PTPRN2: variants seen among roughly 807,000 people sequenced by gnomAD.
PTPRN2 encodes receptor-type tyrosine-protein phosphatase N2.
PTPRN2 carries 74 observed loss-of-function variants against 118.8 expected under a neutral mutation model. The ratio of observed to expected loss-of-function variants is 0.62; its 90% CI spans 0.52 to 0.76. The LOEUF (loss-of-function observed/expected upper bound fraction) is 0.76. Ranked by LOEUF, PTPRN2 falls within the 30% of genes least tolerant of loss-of-function variation. The pLI, the probability that PTPRN2 is intolerant of heterozygous loss-of-function variation, is 0.00. For missense variants in PTPRN2, 1,481 were observed against 1,394.4 expected, an observed-to-expected ratio of 1.06 and a Z score of -0.99; for synonymous variants, 641 against 608.0, an observed-to-expected ratio of 1.05 and a Z score of -0.80.
chr7:158,331,377 A>C (rs7794803), intron 2 of PTPRN2, among the ~76,000 whole-genome samples: 845 of 6,152 alleles, frequency 0.14, 39 homozygotes, highest in Non-Finnish European at 0.16. Flanking sequence ...CACCCGCAGA[A>C]GTCACTCACA....
intron 4 of PTPRN2, among the ~76,000 whole-genome samples, chr7:158,201,269 A>G (rs1256496157): frequency 3.3e-5 from 5 of 152,190 alleles, no homozygotes; most frequent in Non-Finnish European, 7.3e-5. Flanking sequence ...TTTAAAAACC[A>G]TAATAGTGAG....
chr7:158,103,410 C>A (rs1815406107), intron 10 of PTPRN2, among the ~76,000 whole-genome samples: 1 of 152,194 alleles, frequency 6.6e-6, no homozygotes, highest in African/African-American at 2.4e-5. Context: ...ACGCGAAGAG[C>A]CCTGCACACA....
intron 12 of PTPRN2, among the ~76,000 whole-genome samples, chr7:157,807,161 A>G (rs1305074684): frequency 6.6e-6 from 1 of 152,206 alleles, no homozygotes; most frequent in Non-Finnish European, 1.5e-5. Flanking sequence ...GGTTTGTACC[A>G]CCAGGGAACT....
At chr7:158,415,269 TCAAA>T (rs1403083855) in intron 2 of PTPRN2, among the ~76,000 whole-genome samples, 3 of 152,088 alleles carry the variant, frequency 2.0e-5, no homozygotes, top group African/African-American at 7.2e-5. Flanking sequence ...ATGAATGACG[TCAAA>T]CAAACAAAAA....
chr7:157,746,787 A>C (rs1800971122), intron 12 of PTPRN2, among the ~76,000 whole-genome samples: 1 of 152,130 alleles, frequency 6.6e-6, no homozygotes, highest in Admixed American at 6.6e-5. Flanking sequence ...TCTGCTGAGC[A>C]GTTGAGGGGG....
chr7:158,557,471 C>CCATGG (rs1249317413), intron 1 of PTPRN2, among the ~76,000 whole-genome samples: 1 of 152,242 alleles, frequency 6.6e-6, no homozygotes, highest in East Asian at 1.9e-4. Flanking sequence ...CAACCTGGTG[C>CCATGG]CATGGTCCAC....
chr7:158,432,242 G>C (rs1816264236), intron 2 of PTPRN2, among the ~76,000 whole-genome samples: 1 of 152,156 alleles, frequency 6.6e-6, no homozygotes, highest in Admixed American at 6.5e-5. Flanking sequence ...ACCACACACA[G>C]TGACTCATGA....
intron 1 of PTPRN2, among the ~76,000 whole-genome samples, chr7:158,503,005 C>CACTGTGTCCATCAACA (rs1563367007): frequency 9.5e-6 from 1 of 104,844 alleles, no homozygotes; most frequent in East Asian, 4.2e-4. Flanking sequence ...GTCCATCAGC[C>CACTGTGTCCATCAACA]ACTGTGTCCA....
chr7:158,272,121 G>A (rs182990374), intron 3 of PTPRN2, among the ~76,000 whole-genome samples: 184 of 152,278 alleles, frequency 1.2e-3, no homozygotes, highest in African/African-American at 4.3e-3. Flanking sequence ...ATGATCACAG[G>A]GTGCCATCAG....
intron 12 of PTPRN2, among the ~76,000 whole-genome samples, chr7:157,795,394 C>T (rs1804807643): frequency 6.6e-6 from 1 of 152,256 alleles, no homozygotes; most frequent in Non-Finnish European, 1.5e-5. Context: ...CATGGGGCCT[C>T]AGCACCGTCT....
At position 157,990,189 on chromosome 7, in the gene PTPRN2, A is replaced by G. The variant is rs1253343290; in HGVS notation, c.1723+91109T>C. On this transcript the variant is annotated intron_variant, in intron 11 of 22. Transcript: ENST00000389418. This position sits in a 1 kb window ranked among gnomAD's most constrained non-coding sequence, Gnocchi z 4.3. ...GTTAATGTGAGTGCGAGCCCAGGGC[A>G]GAGCGGGCCCAGATAAATAATTCAT... is the stretch of plus-strand genomic sequence containing the variant. 6.6e-6 allele frequency among the ~76,000 whole-genome samples: 1 copy of G among 152,044 alleles called. No individual in the cohort carries two copies. Among genetic ancestry groups the G allele is most frequent in the Non-Finnish European group, 1.5e-5 (1 of 68,018 alleles).
At chr7:158,334,466 GAC>G in intron 2 of PTPRN2, among the ~76,000 whole-genome samples, 3 of 75,604 alleles carry the variant, frequency 4.0e-5, no homozygotes, top group African/African-American at 8.7e-5. Flanking sequence ...GACGCCCATA[GAC>G]GTCACTCACA....
intron 10 of PTPRN2, among the ~76,000 whole-genome samples, chr7:158,101,360 A>G (rs768524399): frequency 3.6e-4 from 55 of 152,232 alleles, no homozygotes; most frequent in Non-Finnish European, 6.5e-4. Context: ...CCCCTTATCC[A>G]AAAATCAACT....
intron 3 of PTPRN2, among the ~76,000 whole-genome samples, chr7:158,269,050 T>C (rs553994438): frequency 1.3e-5 from 2 of 152,188 alleles, no homozygotes; most frequent in Non-Finnish European, 2.9e-5. Flanking sequence ...AGGAAGGACG[T>C]GGCGGCTGCT....
chr7:157,644,111 C>T (rs943283091), intron 14 of PTPRN2, among the ~76,000 whole-genome samples: 1 of 111,938 alleles, frequency 8.9e-6, no homozygotes, highest in African/African-American at 2.8e-5. Flanking sequence ...CTCCAGGTTA[C>T]CCCGCAACAT....
rs561515995 is a variant in PTPRN2 at position 157,897,390 on chromosome 7, CAA to C, written c.1788+1281_1788+1282del. Reference sequence around the variant, plus strand: ...GATGCAGGTGGCTCTCGGCAGCCCCCAAGACTCTTGGCTTCTTTCTCACCCTT... The same window carrying C: ...GATGCAGGTGGCTCTCGGCAGCCCCCGACTCTTGGCTTCTTTCTCACCCTT... On this transcript the variant is annotated intron_variant, in intron 12 of 22. Coordinates refer to ENST00000389418, the MANE Select transcript of PTPRN2 (RefSeq NM_002847.5). Among the ~76,000 whole-genome samples, 8 of 152,284 alleles carry C rather than the reference CAA, an allele frequency of 5.3e-5. No homozygotes were observed. In the South Asian group the frequency reaches 1.5e-3, roughly 28 times the overall value.
intron 12 of PTPRN2, among the ~76,000 whole-genome samples, chr7:157,719,644 A>C (rs952065143): frequency 6.6e-6 from 1 of 152,212 alleles, no homozygotes; most frequent in Non-Finnish European, 1.5e-5. Flanking sequence ...GAGCAGGGCC[A>C]GACCATCAGC....
chr7:158,200,970 G>A (rs1180860992), intron 4 of PTPRN2, among the ~76,000 whole-genome samples: 2 of 151,644 alleles, frequency 1.3e-5, no homozygotes, highest in Non-Finnish European at 2.9e-5. Context: ...TACTGAAGAA[G>A]TTTTATTTAA....
intron 9 of PTPRN2, among the ~76,000 whole-genome samples, chr7:158,125,040 T>C (rs1817511474): frequency 1.3e-5 from 2 of 152,040 alleles, no homozygotes; most frequent in African/African-American, 4.8e-5. Flanking sequence ...GATGGAGCCA[T>C]AGGAGGGGAG....
Sources: gnomAD v4.1 joint callset for allele counts (sites outside exome capture counted in the v4.1 genomes callset) on GRCh38, gnomAD v4.1.1 for gene constraint, Gnocchi (gnomAD v3.1) non-coding constraint, MANE v1.5 for transcripts, NCBI Gene and HGNC (gene_info 2026-07-23, HGNC 2026-07-21) for gene names.